The following FAM107B variants were observed in gnomAD, a reference collection of about 807,000 sequenced individuals.
FAM107B encodes the protein protein FAM107B.
In FAM107B, 21 loss-of-function variants were observed where a neutral mutation model predicts 31.5. The ratio of observed to expected loss-of-function variants is 0.67; its 90% CI spans 0.47 to 0.96. FAM107B has a LOEUF of 0.96. Among genes scored for constraint, FAM107B ranks in the 40% least tolerant of loss-of-function variants. FAM107B has a pLI of 0.00. For missense variants in FAM107B, 452 were observed against 377.1 expected, an observed-to-expected ratio of 1.20 and a Z score of -1.64; for synonymous variants, 157 against 141.5, an observed-to-expected ratio of 1.11 and a Z score of -0.78.
chr10:14,545,914 T>C (rs968385416), intron 2 of FAM107B, among the ~76,000 whole-genome samples: 1 of 152,214 alleles, frequency 6.6e-6, no homozygotes, highest in Non-Finnish European at 1.5e-5. Context: ...GAGAAGATGG[T>C]TGATTTCGGC....
At chr10:14,566,393 G>GT (rs1393417586) in intron 2 of FAM107B, among the ~76,000 whole-genome samples, 1 of 152,216 alleles carries the variant, frequency 6.6e-6, no homozygotes, top group Non-Finnish European at 1.5e-5. Flanking sequence ...CTGAAAGGAA[G>GT]TAAGGACCTG....
intron 2 of FAM107B, among the ~76,000 whole-genome samples, chr10:14,543,608 C>A (rs1848433844): frequency 6.6e-6 from 1 of 151,116 alleles, no homozygotes; most frequent in South Asian, 2.1e-4. Flanking sequence ...AGCCACAATT[C>A]TCTAAAGTTC....
At chr10:14,746,381 C>G (rs1278844675) in intron 1 of FAM107B, among the ~76,000 whole-genome samples, 1 of 152,168 alleles carries the variant, frequency 6.6e-6, no homozygotes, top group Non-Finnish European at 1.5e-5. Context: ...GTAGTTGCTT[C>G]ATAGTGTCAC....
intron 3 of FAM107B, 107 bp from the exon 4 acceptor site, chr10:14,522,126 AT>A (rs1845714787): frequency 7.2e-7 from 1 of 1,388,456 alleles, no homozygotes. Context: ...GGTCTACAAA[AT>A]TAGTATGATA....
intron 1 of FAM107B, among the ~76,000 whole-genome samples, chr10:14,696,797 T>C (rs1023719998): frequency 6.6e-6 from 1 of 152,310 alleles, no homozygotes; most frequent in East Asian, 1.9e-4. Context: ...GTCTACTCAA[T>C]CTGACTTTGC....
At chr10:14,608,140 C>T (rs757280509) in intron 2 of FAM107B, among the ~76,000 whole-genome samples, 8 of 152,188 alleles carry the variant, frequency 5.3e-5, no homozygotes, top group Admixed American at 2.0e-4. Context: ...ACACCCAAAC[C>T]ACCATGCTGA....
At chr10:14,758,465 G>T (rs1024084394) in intron 1 of FAM107B, among the ~76,000 whole-genome samples, 4 of 152,014 alleles carry the variant, frequency 2.6e-5, no homozygotes, top group African/African-American at 9.7e-5. Context: ...TAAAAATACG[G>T]GTGCCATAGT....
rs151236833 is a variant in FAM107B at position 14,774,260 on chromosome 10, G to C, written c.404C>G (p.Thr135Arg). The C allele has an allele frequency of 6.2e-7, 1 of 1,608,164 alleles. No homozygotes were observed. Among genetic ancestry groups the C allele is most frequent in the Non-Finnish European group, 8.5e-7 (1 of 1,175,794 alleles). ...ASIPRPSIIDTPKEEEFREEP... is the reference protein window; with the variant it reads ...ASIPRPSIIDRPKEEEFREEP... ...GAGCGAACACTCACTCACCTTGGGCGTGTCAATAATTGATGGTCTGGGGAT... is the reference window on the plus strand; with the variant it reads ...GAGCGAACACTCACTCACCTTGGGCCTGTCAATAATTGATGGTCTGGGGAT... The change falls in exon 1 of 5, where the codon ACG (threonine) becomes AGG (arginine). Residue 135 changes from threonine to arginine, a missense_variant. By Grantham distance (71) the Thr-to-Arg change is moderately conservative. Transcript: ENST00000181796.
At chr10:14,673,561 G>A (rs12268738) in intron 1 of FAM107B, among the ~76,000 whole-genome samples, 5,185 of 152,200 alleles carry the variant, frequency 0.034, 284 homozygotes, top group African/African-American at 0.12. Context: ...GGTTGATTCC[G>A]TATCTTTGCT....
intron 2 of FAM107B, among the ~76,000 whole-genome samples, chr10:14,636,762 G>A (rs570223209): frequency 1.3e-5 from 2 of 152,244 alleles, no homozygotes; most frequent in South Asian, 2.1e-4. Context: ...CTACTGAGTC[G>A]AGTTCTTGGA....
chr10:14,602,745 G>A (rs1274115650), intron 2 of FAM107B: 1 of 152,162 alleles, frequency 6.6e-6, no homozygotes, highest in Non-Finnish European at 1.5e-5. Context: ...CAAAAATATA[G>A]TCCATGAAAC....
chr10:14,663,697 A>G (rs1237290217), intron 2 of FAM107B, among the ~76,000 whole-genome samples: 1 of 152,064 alleles, frequency 6.6e-6, no homozygotes, highest in East Asian at 1.9e-4. Context: ...TCTTTCAATC[A>G]CCTACTAAGA....
intron 1 of FAM107B, among the ~76,000 whole-genome samples, chr10:14,736,155 T>A (rs796657069): frequency 7.2e-4 from 109 of 152,244 alleles, no homozygotes; most frequent in African/African-American, 2.3e-3. Flanking sequence ...GAATATATTA[T>A]GGTAGCCAGC....
At chr10:14,703,302 A>C (rs1855444737) in intron 1 of FAM107B, among the ~76,000 whole-genome samples, 1 of 149,974 alleles carries the variant, frequency 6.7e-6, no homozygotes, top group Non-Finnish European at 1.5e-5. Context: ...AGTCTTCCTA[A>C]GTTTGTTTCC....
At chr10:14,560,349 C>T (rs1207588935) in intron 2 of FAM107B, among the ~76,000 whole-genome samples, 3 of 152,152 alleles carry the variant, frequency 2.0e-5, no homozygotes, top group Non-Finnish European at 4.4e-5. Context: ...AGATACATAA[C>T]ATATGAGTGT....
chr10:14,665,915 C>T (rs1292421614), intron 2 of FAM107B, among the ~76,000 whole-genome samples: 1 of 152,066 alleles, frequency 6.6e-6, no homozygotes, highest in Non-Finnish European at 1.5e-5. Context: ...TATTTTTTTT[C>T]ATATCGCAGA....
At chr10:14,735,788 G>T (rs558990576) in intron 1 of FAM107B, among the ~76,000 whole-genome samples, 1 of 152,160 alleles carries the variant, frequency 6.6e-6, no homozygotes, top group Non-Finnish European at 1.5e-5. Flanking sequence ...CGATTGTCCA[G>T]CTTTACTGAG....
intron 2 of FAM107B, among the ~76,000 whole-genome samples, chr10:14,533,915 C>T (rs919306120): frequency 3.9e-5 from 6 of 152,070 alleles, no homozygotes; most frequent in African/African-American, 1.5e-4. Flanking sequence ...ACGGGCACTG[C>T]GAGCCGGTGC....
chr10:14,739,430 A>G (rs1178622080), intron 1 of FAM107B, among the ~76,000 whole-genome samples: 5 of 152,184 alleles, frequency 3.3e-5, no homozygotes, highest in Admixed American at 3.3e-4. Flanking sequence ...GGTGGAGGAC[A>G]AGGTATTTTT....
Sources: allele counts gnomAD v4.1 joint callset (sites outside exome capture counted in the v4.1 genomes callset), GRCh38; gene constraint gnomAD v4.1.1; transcripts MANE v1.5; gene names NCBI Gene and HGNC (gene_info 2026-07-23, HGNC 2026-07-21).